Variants in HOMER2 observed in about 807,000 individuals in gnomAD.
HOMER2 encodes homer scaffold protein 2.
In HOMER2, 27 loss-of-function variants were observed where a neutral mutation model predicts 47.0. The observed-to-expected ratio is 0.57, with a 90% CI of 0.42 to 0.79. The LOEUF is 0.79. Ranked by LOEUF, HOMER2 falls within the 30% of genes least tolerant of loss-of-function variation. The probability of loss-of-function intolerance (pLI) is 0.00; values close to 1 mark genes in which losing one functional copy is unlikely to be tolerated. For synonymous variants in HOMER2, 161 were observed against 163.8 expected (o/e 0.98, Z 0.13); for missense variants, 443 against 435.0 (o/e 1.02, Z -0.16).
At chr15:82,932,999 G>C (rs574767797) in intron 1 of HOMER2, among the ~76,000 whole-genome samples, 14 of 152,182 alleles carry the variant, frequency 9.2e-5, no homozygotes, top group African/African-American at 2.9e-4. Flanking sequence ...TCTACAGGGG[G>C]GCGGCTCTCT....
chr15:82,843,219 A>C (rs1342641409), exon 2 of HOMER2: 1 of 152,100 alleles, frequency 6.6e-6, no homozygotes, highest in African/African-American at 2.4e-5. Context: ...AGGCGTGTGG[A>C]TTGCCTGAGT....
intron 1 of HOMER2, among the ~76,000 whole-genome samples, chr15:82,921,034 C>A (rs1394979099): frequency 6.6e-6 from 1 of 152,150 alleles, no homozygotes; most frequent in Non-Finnish European, 1.5e-5. Flanking sequence ...GTGGCTCACA[C>A]TTGTAATCCC....
intron 1 of HOMER2, among the ~76,000 whole-genome samples, chr15:82,940,889 C>T (rs1490877094): frequency 6.6e-6 from 1 of 151,128 alleles, no homozygotes; most frequent in Admixed American, 6.6e-5. Context: ...GAGCAAGACC[C>T]TGTTCCAAAA....
intron 1 of HOMER2, among the ~76,000 whole-genome samples, chr15:82,952,236 G>A (rs2054521396): frequency 6.6e-6 from 1 of 152,258 alleles, no homozygotes; most frequent in Non-Finnish European, 1.5e-5. Context: ...GGCCGAGGCA[G>A]GAGGCCGGCC....
chr15:82,954,146 C>T (rs2054561169), upstream of HOMER2, among the ~76,000 whole-genome samples: 1 of 152,114 alleles, frequency 6.6e-6, no homozygotes, highest in African/African-American at 2.4e-5. Context: ...CCAAATCCTC[C>T]ATGCATAGTA....
Position 82,931,635 on chromosome 15 carries a change from G to T in HOMER2, c.5+20896C>A, listed in dbSNP as rs527682600. On this transcript the variant is annotated intron_variant, in intron 1 of 8. Transcript: ENST00000450735. The stretch of plus-strand genomic sequence containing the variant: ...AGGCAGATCACGAGGTCAGGAGATC[G>T]AGACCATCCTGGCTAACACGGTGAA... Among the ~76,000 whole-genome samples the T allele has an allele frequency of 2.4e-3, 368 of 151,254 alleles. 3 individuals carry two copies. The highest frequency in any genetic ancestry group is 8.6e-3 in the African/African-American group (356 of 41,234).
intron 4 of HOMER2, among the ~76,000 whole-genome samples, chr15:82,861,693 T>C (rs1229841445): frequency 1.3e-5 from 2 of 152,104 alleles, no homozygotes; most frequent in African/African-American, 2.4e-5. Flanking sequence ...ACCAAGTAAT[T>C]GTGTGATTAC....
At chr15:82,951,255 T>C (rs1459198839) in intron 1 of HOMER2, among the ~76,000 whole-genome samples, 1 of 152,202 alleles carries the variant, frequency 6.6e-6, no homozygotes, top group Non-Finnish European at 1.5e-5. Flanking sequence ...TCCTCCTCTC[T>C]GTCACCCACC....
Position 82,892,811 on chromosome 15 carries a change from A to T in HOMER2, c.36T>A (p.His12Gln). The T allele has an allele frequency of 6.2e-7, 1 of 1,603,492 alleles. No homozygotes were observed. Among genetic ancestry groups the T allele is most frequent in the Non-Finnish European group, 8.5e-7 (1 of 1,172,578 alleles). ...TGGTGTTGGGGTCAATCTGGAAGAC[A>T]TGCGCTCGGGTGGTGAAGATGGGCT... ...GEQPIFTTRA[H>Q]VFQIDPNTKK... The change falls in exon 2 of 9, where the codon CAT becomes CAA. Residue 12 changes from histidine (H) to glutamine (Q), a missense_variant. Coordinates refer to ENST00000450735, the MANE Select transcript of HOMER2 (RefSeq NM_004839.4).
rs75933412 is a variant in HOMER2, at chr15:82,892,845, C to T, written c.6-4G>A. The T allele has an allele frequency of 6.4e-7, 1 of 1,555,968 alleles. No homozygotes were observed. Among genetic ancestry groups the T allele is most frequent in the South Asian group, 1.2e-5 (1 of 83,066 alleles). ...GGTGGTGAAGATGGGCTGTTCTCTGCAATAAGAGAGTGGGCGTGTGAGTTG... is the reference window on the plus strand; with the variant it reads ...GGTGGTGAAGATGGGCTGTTCTCTGTAATAAGAGAGTGGGCGTGTGAGTTG... On this transcript the variant is annotated splice_region_variant and splice_polypyrimidine_tract_variant and intron_variant, in intron 1 of 8. Transcript: ENST00000450735.
intron 4 of HOMER2, among the ~76,000 whole-genome samples, chr15:82,859,741 G>A (rs144070139): frequency 6.6e-5 from 10 of 152,218 alleles, no homozygotes; most frequent in East Asian, 3.9e-4. Context: ...CCACGTAGAG[G>A]TGAAATCTCA....
At chr15:82,875,683 AAAG>A (rs1228970042) in intron 2 of HOMER2, among the ~76,000 whole-genome samples, 1 of 152,210 alleles carries the variant, frequency 6.6e-6, no homozygotes, top group Non-Finnish European at 1.5e-5. Context: ...TCTCCTAAAC[AAAG>A]AATAGTTTCC....
intron 3 of HOMER2, among the ~76,000 whole-genome samples, chr15:82,871,787 C>T (rs2151062554): frequency 1.3e-5 from 2 of 152,316 alleles, no homozygotes; most frequent in East Asian, 3.9e-4. Context: ...AGCTCAAGGT[C>T]TCTTCAGTTC....
At chr15:82,858,958 CCAG>C in intron 5 of HOMER2, 68 bp downstream of exon 5, 1 of 1,524,288 alleles carries the variant, frequency 6.6e-7, no homozygotes, top group Non-Finnish European at 8.9e-7. Flanking sequence ...GAAACCCTGT[CCAG>C]CAAGAAAGGC....
At chr15:82,839,496 T>A (rs1185616538) in exon 2 of HOMER2, 1 of 152,268 alleles carries the variant, frequency 6.6e-6, no homozygotes, top group Non-Finnish European at 1.5e-5. Context: ...GAAAGATTTC[T>A]GTTGACTTAA....
At chr15:82,871,214 T>C (rs982497242) in intron 3 of HOMER2, among the ~76,000 whole-genome samples, 3 of 152,258 alleles carry the variant, frequency 2.0e-5, no homozygotes, top group African/African-American at 7.2e-5. Flanking sequence ...CTTTTTGGAC[T>C]GTGGTTGGGA....
At chr15:82,881,003 T>A (rs2052504668) in intron 2 of HOMER2, among the ~76,000 whole-genome samples, 1 of 152,198 alleles carries the variant, frequency 6.6e-6, no homozygotes, top group Non-Finnish European at 1.5e-5. Context: ...GAGAACTGTT[T>A]ACCCCTGGAG....
intron 1 of HOMER2, among the ~76,000 whole-genome samples, chr15:82,908,757 A>C (rs1017840749): frequency 2.0e-5 from 3 of 151,912 alleles, no homozygotes; most frequent in African/African-American, 7.3e-5. Flanking sequence ...TAAAAAAAAA[A>C]AAAGATCAAA....
intron 2 of HOMER2, among the ~76,000 whole-genome samples, chr15:82,876,901 T>C (rs1362681715): frequency 6.6e-6 from 1 of 152,228 alleles, no homozygotes; most frequent in Non-Finnish European, 1.5e-5. Context: ...CAGCTGTCAG[T>C]AGTAACAGAA....
Sources: gnomAD v4.1 joint callset for allele counts (sites outside exome capture counted in the v4.1 genomes callset) on GRCh38, gnomAD v4.1.1 for gene constraint, MANE v1.5 for transcripts, NCBI Gene and HGNC (gene_info 2026-07-23, HGNC 2026-07-21) for gene names.